GPM6B: variants seen among roughly 807,000 people sequenced by gnomAD.
GPM6B encodes neuronal membrane glycoprotein M6-b.
A neutral mutation model predicts 27.2 loss-of-function variants in GPM6B; 4 were observed. The ratio of observed to expected loss-of-function variants is 0.15; its 90% CI spans 0.07 to 0.34. The LOEUF (loss-of-function observed/expected upper bound fraction) is 0.34, where lower values mean the gene tolerates loss of function less well. Ranked by LOEUF, GPM6B falls within the 10% of genes least tolerant of loss-of-function variation. GPM6B has a pLI of 1.00. For missense variants in GPM6B, 183 were observed against 261.9 expected, an observed-to-expected ratio of 0.70 and a Z score of 2.08; for synonymous variants, 124 against 103.1, an observed-to-expected ratio of 1.20 and a Z score of -1.23.
At chrX:13,783,103 T>C (rs917767914) in intron 4 of GPM6B, among the ~76,000 whole-genome samples, 1 of 112,513 alleles carries the variant, frequency 8.9e-6, no homozygotes, top group African/African-American at 3.2e-5. Context: ...AACTTGGCAT[T>C]TGAAAAATCT....
intron 2 of GPM6B, among the ~76,000 whole-genome samples, chrX:13,805,231 C>T (rs1221669554): frequency 8.9e-6 from 1 of 112,039 alleles, no homozygotes; most frequent in Non-Finnish European, 1.9e-5. Context: ...GTAGTATCAC[C>T]AGCAACCTGA....
At chrX:13,847,193 A>G (rs1370644246) in intron 1 of GPM6B, among the ~76,000 whole-genome samples, 2 of 111,891 alleles carry the variant, frequency 1.8e-5, no homozygotes, top group African/African-American at 6.5e-5. Flanking sequence ...TCCCTTACAC[A>G]CCAACTGCTG....
upstream of GPM6B, among the ~76,000 whole-genome samples, chrX:13,820,529 C>T (rs1318915518): frequency 9.0e-6 from 1 of 110,920 alleles, no homozygotes; most frequent in Non-Finnish European, 1.9e-5. Context: ...GAGCAGCATC[C>T]GGGAGTCTTC....
At chrX:13,871,574 G>A (rs748084043) in intron 1 of GPM6B, among the ~76,000 whole-genome samples, 2 of 112,216 alleles carry the variant, frequency 1.8e-5, no homozygotes, top group Admixed American at 9.4e-5. Context: ...CAATGGGGAC[G>A]CTCAGGTCTT....
At chrX:13,904,155 T>C (rs1418003783) in intron 1 of GPM6B, among the ~76,000 whole-genome samples, 2 of 111,919 alleles carry the variant, frequency 1.8e-5, no homozygotes, top group Non-Finnish European at 3.8e-5. Flanking sequence ...ATACATAATA[T>C]ATAATAAATA....
intron 2 of GPM6B, among the ~76,000 whole-genome samples, chrX:13,789,065 C>T (rs1044848466): frequency 8.9e-6 from 1 of 111,854 alleles, no homozygotes; most frequent in South Asian, 3.7e-4. Flanking sequence ...AAAACTCTTA[C>T]GGACTGTGCC....
chrX:13,862,996 T>C (rs1463919976), intron 1 of GPM6B, among the ~76,000 whole-genome samples: 1 of 111,402 alleles, frequency 9.0e-6, no homozygotes, highest in Non-Finnish European at 1.9e-5. Context: ...CATGCCCAGC[T>C]GGAAATACAC....
intron 7 of GPM6B, chrX:13,773,907 A>G: frequency 1.5e-6 from 1 of 671,194 alleles, no homozygotes; most frequent in Non-Finnish European, 1.8e-6. Flanking sequence ...GGGCTCTAAC[A>G]GAATGATTGT....
intron 1 of GPM6B, among the ~76,000 whole-genome samples, chrX:13,903,412 G>T (rs2050300126): frequency 8.9e-6 from 1 of 112,087 alleles, no homozygotes; most frequent in Non-Finnish European, 1.9e-5. Flanking sequence ...CATCCTGAAA[G>T]GTAAGTATAA....
chrX:13,915,733 C>T (rs1353960472), intron 1 of GPM6B, among the ~76,000 whole-genome samples: 1 of 112,589 alleles, frequency 8.9e-6, no homozygotes, highest in Non-Finnish European at 1.9e-5. Context: ...TATATGTGTA[C>T]AATGGTTGTT....
At chrX:13,848,188 A>G (rs2049672547) in intron 1 of GPM6B, among the ~76,000 whole-genome samples, 1 of 111,930 alleles carries the variant, frequency 8.9e-6, no homozygotes, top group African/African-American at 3.3e-5. Context: ...GGGTGCATAA[A>G]GACCCAGATC....
At chrX:13,869,905 T>C (rs1390193941) in intron 1 of GPM6B, among the ~76,000 whole-genome samples, 3 of 112,304 alleles carry the variant, frequency 2.7e-5, no homozygotes, top group Admixed American at 9.5e-5. Context: ...CCCTTTTCCA[T>C]TCCAGGATAC....
intron 1 of GPM6B, among the ~76,000 whole-genome samples, chrX:13,924,047 C>G (rs1921051420): frequency 8.9e-6 from 1 of 111,821 alleles, no homozygotes; most frequent in African/African-American, 3.3e-5. Context: ...GGGATCATGA[C>G]AGGTGTTACC....
At chrX:13,861,101 CAT>C (rs1439611052) in intron 1 of GPM6B, among the ~76,000 whole-genome samples, 1 of 104,574 alleles carries the variant, frequency 9.6e-6, no homozygotes, top group Non-Finnish European at 1.9e-5. Flanking sequence ...TATACACATA[CAT>C]ATACACACAT....
At chrX:13,930,644 A>G (rs1921463305) in intron 1 of GPM6B, among the ~76,000 whole-genome samples, 1 of 111,956 alleles carries the variant, frequency 8.9e-6, no homozygotes, top group African/African-American at 3.2e-5. Context: ...ACAAGGGAAC[A>G]TCACTACAGA....
At chrX:13,779,456 A>C (rs2048474353) in intron 5 of GPM6B, among the ~76,000 whole-genome samples, 1 of 112,296 alleles carries the variant, frequency 8.9e-6, no homozygotes, top group Non-Finnish European at 1.9e-5. Context: ...ATTATTTTGA[A>C]TGGAAAGTTG....
intron 2 of GPM6B, among the ~76,000 whole-genome samples, chrX:13,795,925 T>A (rs2048806023): frequency 9.2e-6 from 1 of 108,353 alleles, no homozygotes; most frequent in Non-Finnish European, 1.9e-5. Flanking sequence ...CTTATTTATT[T>A]ATTATTTTAT....
At chrX:13,868,381 G>T (rs1327632383) in intron 1 of GPM6B, among the ~76,000 whole-genome samples, 1 of 111,893 alleles carries the variant, frequency 8.9e-6, no homozygotes, top group East Asian at 2.8e-4. Context: ...GATTTTGAAG[G>T]ACATCTTCAC....
intron 1 of GPM6B, among the ~76,000 whole-genome samples, chrX:13,910,370 T>TCA (rs962451388): frequency 1.8e-5 from 2 of 112,416 alleles, no homozygotes; most frequent in African/African-American, 6.5e-5. Context: ...CACTGTACAG[T>TCA]CAGGGTGAGA....
Sources: gnomAD v4.1 joint callset for allele counts (sites outside exome capture counted in the v4.1 genomes callset) on GRCh38, gnomAD v4.1.1 for gene constraint, MANE v1.5 for transcripts, NCBI Gene and HGNC (gene_info 2026-07-23, HGNC 2026-07-21) for gene names.